The following MYO9A variants were observed in gnomAD, a reference collection of about 807,000 sequenced individuals.
MYO9A encodes unconventional myosin-IXa.
In MYO9A, 103 loss-of-function variants were observed where a neutral mutation model predicts 293.3. The ratio of observed to expected loss-of-function variants is 0.35; its 90% CI spans 0.30 to 0.41. MYO9A has a LOEUF of 0.41. Ranked by LOEUF, MYO9A falls within the 10% of genes least tolerant of loss-of-function variation. The probability of loss-of-function intolerance (pLI) is 1.00; values close to 1 mark genes in which losing one functional copy is unlikely to be tolerated. For missense variants in MYO9A, 2,685 were observed against 3,033.0 expected (o/e 0.89, Z 2.69); for synonymous variants, 1,001 against 1,035.7 (o/e 0.97, Z 0.64).
intron 2 of MYO9A, among the ~76,000 whole-genome samples, chr15:72,043,101 C>T (rs1421588856): frequency 6.6e-6 from 1 of 151,854 alleles, no homozygotes; most frequent in Non-Finnish European, 1.5e-5. Context: ...GTTAATGGCA[C>T]TAATATTTAA....
intron 12 of MYO9A, among the ~76,000 whole-genome samples, chr15:71,973,978 A>G (rs1041352874): frequency 4.6e-5 from 7 of 152,182 alleles, no homozygotes; most frequent in African/African-American, 1.7e-4. Flanking sequence ...GTAGAAGGTA[A>G]GTGAGACTGA....
chr15:71,903,803 C>T, intron 21 of MYO9A, 126 bp downstream of exon 21: 2 of 794,664 alleles, frequency 2.5e-6, no homozygotes, highest in Non-Finnish European at 2.0e-6. Flanking sequence ...ATTCCGTATA[C>T]AAAACGTGAA....
intron 39 of MYO9A, among the ~76,000 whole-genome samples, chr15:71,836,277 A>ATATATATATATATATATATAT (rs1567181551): frequency 8.5e-5 from 13 of 152,182 alleles, no homozygotes; most frequent in African/African-American, 3.1e-4. Flanking sequence ...ATATATACAC[A>ATATATATATATATATATATAT]CACATTATAC....
At chr15:72,006,456 T>C (rs976125378) in intron 8 of MYO9A, among the ~76,000 whole-genome samples, 1 of 152,180 alleles carries the variant, frequency 6.6e-6, no homozygotes, top group Non-Finnish European at 1.5e-5. Flanking sequence ...ATCTACATAT[T>C]GCATGATTCA....
chr15:72,036,307 A>T (rs1458757995), intron 2 of MYO9A, among the ~76,000 whole-genome samples: 1 of 152,210 alleles, frequency 6.6e-6, no homozygotes, highest in Non-Finnish European at 1.5e-5. Context: ...AAAATGGCAG[A>T]GTAAGGACCT....
intron 3 of MYO9A, among the ~76,000 whole-genome samples, chr15:72,028,218 A>ATATATATATATATAT (rs1555408278): frequency 1.2e-3 from 167 of 134,164 alleles, no homozygotes; most frequent in African/African-American, 3.1e-3. Flanking sequence ...TAAATAAATA[A>ATATATATATATATAT]ATATATATAT....
At chr15:72,025,456 G>A (rs1309625617) in intron 4 of MYO9A, among the ~76,000 whole-genome samples, 1 of 152,106 alleles carries the variant, frequency 6.6e-6, no homozygotes, top group Non-Finnish European at 1.5e-5. Flanking sequence ...CACCTTCCAG[G>A]TTCAGGCGAT....
At chr15:72,079,126 G>A (rs1348034169) in intron 1 of MYO9A, among the ~76,000 whole-genome samples, 1 of 152,224 alleles carries the variant, frequency 6.6e-6, no homozygotes, top group East Asian at 1.9e-4. Context: ...AAATAGTAAC[G>A]ATGGATTAAT....
chr15:72,047,654 A>G (rs1277033673), intron 1 of MYO9A, among the ~76,000 whole-genome samples: 2 of 151,754 alleles, frequency 1.3e-5, no homozygotes, highest in Non-Finnish European at 2.9e-5. Flanking sequence ...AGTTAGTTAT[A>G]TGCCCCCAAA....
At chr15:71,990,780 T>TA (rs1426178555) in intron 11 of MYO9A, among the ~76,000 whole-genome samples, 1 of 151,800 alleles carries the variant, frequency 6.6e-6, no homozygotes, top group African/African-American at 2.4e-5. Flanking sequence ...AGACAAGATT[T>TA]AAAATGCTTA....
Position 72,013,314 on chromosome 15 carries a change from G to A in MYO9A, c.1156-2867C>T, listed in dbSNP as rs189751456. 1.2e-3 allele frequency among the ~76,000 whole-genome samples: 190 copies of A among 152,276 alleles called. 2 individuals carry two copies. The highest frequency in any genetic ancestry group is 2.2e-3 in the Non-Finnish European group (152 of 68,016). Reference sequence around the variant, plus strand: ...CATCAGTCATTGTTTGAAGACTTCTGGAGAGGGAGCAGGCAGCTGTTAATT... The same window carrying A: ...CATCAGTCATTGTTTGAAGACTTCTAGAGAGGGAGCAGGCAGCTGTTAATT... On this transcript the variant is annotated intron_variant, in intron 6 of 41. Coordinates refer to ENST00000356056, the MANE Select transcript of MYO9A (RefSeq NM_006901.4).
chr15:72,093,521 G>GA (rs1271319365), intron 1 of MYO9A, among the ~76,000 whole-genome samples: 5 of 151,988 alleles, frequency 3.3e-5, no homozygotes, highest in African/African-American at 1.2e-4. Flanking sequence ...GGGCAACAGA[G>GA]AAAAAATGAC....
chr15:72,029,143 T>C (rs139671675), intron 3 of MYO9A, among the ~76,000 whole-genome samples: 2 of 151,890 alleles, frequency 1.3e-5, no homozygotes, highest in Non-Finnish European at 2.9e-5. Context: ...GGTGAAAGAG[T>C]GACTGGGTAA....
chr15:71,850,199 A>T, intron 37 of MYO9A, 32 bp from the exon 38 acceptor site: 1 of 1,612,282 alleles, frequency 6.2e-7, no homozygotes, highest in East Asian at 2.2e-5. Flanking sequence ...AAAACAAATG[A>T]GTAAGGGATA....
At chr15:71,931,933 G>A (rs1416215859) in intron 18 of MYO9A, among the ~76,000 whole-genome samples, 1 of 151,776 alleles carries the variant, frequency 6.6e-6, no homozygotes, top group African/African-American at 2.4e-5. Context: ...TTGTCTCCAG[G>A]AAATTAGGAT....
intron 27 of MYO9A, among the ~76,000 whole-genome samples, chr15:71,886,349 G>A (rs1465914625): frequency 6.6e-6 from 1 of 152,022 alleles, no homozygotes; most frequent in East Asian, 1.9e-4. Context: ...TTCCCTAAGG[G>A]CTAGACAGAA....
chr15:72,099,250 C>T (rs929532867), intron 1 of MYO9A, among the ~76,000 whole-genome samples: 2 of 151,856 alleles, frequency 1.3e-5, no homozygotes, highest in African/African-American at 4.8e-5. Flanking sequence ...ACCAGTCTGG[C>T]CTACATGGTG....
At chr15:72,091,442 T>C (rs945276116) in intron 1 of MYO9A, among the ~76,000 whole-genome samples, 6 of 152,132 alleles carry the variant, frequency 3.9e-5, no homozygotes, top group African/African-American at 2.4e-5. Flanking sequence ...GCTAAAACAG[T>C]AGAAATCCTT....
At chr15:72,098,026 A>G (rs930507025) in intron 1 of MYO9A, among the ~76,000 whole-genome samples, 1 of 152,190 alleles carries the variant, frequency 6.6e-6, no homozygotes, top group Non-Finnish European at 1.5e-5. Flanking sequence ...TCAGTATAAA[A>G]AAGATGAGTG....
Sources: allele counts gnomAD v4.1 joint callset (sites outside exome capture counted in the v4.1 genomes callset), GRCh38; gene constraint gnomAD v4.1.1; transcripts MANE v1.5; gene names NCBI Gene and HGNC (gene_info 2026-07-23, HGNC 2026-07-21).